CAST: variants seen among roughly 807,000 people sequenced by gnomAD.
The protein encoded by CAST is calpastatin.
A neutral mutation model predicts 119.6 loss-of-function variants in CAST; 76 were observed. The ratio of observed to expected loss-of-function variants is 0.64; its 90% CI spans 0.53 to 0.77. The LOEUF is 0.77. CAST is among the 30% of genes least tolerant of loss of function. CAST has a pLI of 0.00. For synonymous variants in CAST, 319 were observed against 331.6 expected (o/e 0.96, Z 0.41); for missense variants, 953 against 946.5 (o/e 1.01, Z -0.09).
At chr5:96,643,698 C>G (rs922145232) in intron 1 of CAST, among the ~76,000 whole-genome samples, 1 of 152,002 alleles carries the variant, frequency 6.6e-6, no homozygotes, top group Admixed American at 6.6e-5. Flanking sequence ...CATGGTGAAA[C>G]CTTGTCTCTA....
chr5:96,470,905 G>T, the CAST span, among the ~76,000 whole-genome samples: 1 of 152,076 alleles, frequency 6.6e-6, no homozygotes. Context: ...AATATACGCA[G>T]ATGTTGCAAA....
the CAST span, among the ~76,000 whole-genome samples, chr5:96,229,026 T>C: frequency 6.6e-6 from 1 of 152,056 alleles, no homozygotes; most frequent in Non-Finnish European, 1.5e-5. Flanking sequence ...CGATTTTATG[T>C]GACCATAGAA....
At chr5:96,383,043 A>G in the CAST span, among the ~76,000 whole-genome samples, 1 of 152,184 alleles carries the variant, frequency 6.6e-6, no homozygotes, top group African/African-American at 2.4e-5. Context: ...TTAACCTGAG[A>G]GACATTAGAG....
At chr5:96,223,026 T>C in the CAST span, among the ~76,000 whole-genome samples, 1 of 152,128 alleles carries the variant, frequency 6.6e-6, no homozygotes, top group Admixed American at 6.6e-5. Context: ...CAAATTCTGC[T>C]TGTTCTCACT....
At chr5:96,485,215 G>A in the CAST span, among the ~76,000 whole-genome samples, 1 of 152,158 alleles carries the variant, frequency 6.6e-6, no homozygotes, top group African/African-American at 2.4e-5. Flanking sequence ...GGATTAGGGA[G>A]TGCTGTCTTA....
chr5:96,572,872 G>A (rs1746594534), intron 1 of CAST, among the ~76,000 whole-genome samples: 2 of 152,270 alleles, frequency 1.3e-5, no homozygotes, highest in Admixed American at 1.3e-4. Context: ...TGGCAGTCCT[G>A]GGAAGTATGG....
At chr5:96,152,532 G>T in the CAST span, among the ~76,000 whole-genome samples, 2 of 152,170 alleles carry the variant, frequency 1.3e-5, no homozygotes, top group Non-Finnish European at 1.5e-5. Flanking sequence ...ACTCTGTCCG[G>T]CTGGGAGACT....
the CAST span, among the ~76,000 whole-genome samples, chr5:96,310,595 C>T: frequency 4.7e-5 from 7 of 149,624 alleles, no homozygotes; most frequent in Non-Finnish European, 1.0e-4. Context: ...CTATGGATTA[C>T]TGACTTAATC....
chr5:96,412,256 C>T, the CAST span: 1 of 1,295,214 alleles, frequency 7.7e-7, no homozygotes, highest in Non-Finnish European at 1.1e-6. Context: ...AGTGTTCTTT[C>T]CTTCTCCTCA....
chr5:96,500,155 A>T, the CAST span, among the ~76,000 whole-genome samples: 1 of 152,184 alleles, frequency 6.6e-6, no homozygotes, highest in Admixed American at 6.5e-5. Flanking sequence ...TAAAATAATG[A>T]TGAAAACGTT....
At chr5:96,352,587 C>T in the CAST span, among the ~76,000 whole-genome samples, 3 of 152,094 alleles carry the variant, frequency 2.0e-5, no homozygotes, top group Admixed American at 6.6e-5. Context: ...GGGGTAACAC[C>T]ATTCCTTTTA....
At chr5:96,307,919 G>C in the CAST span, among the ~76,000 whole-genome samples, 71 of 152,180 alleles carry the variant, frequency 4.7e-4, no homozygotes, top group African/African-American at 1.6e-3. Flanking sequence ...TGAATCTGAT[G>C]AGTATGTGTC....
At chr5:96,243,212 G>T in the CAST span, among the ~76,000 whole-genome samples, 2 of 148,796 alleles carry the variant, frequency 1.3e-5, no homozygotes. Context: ...GTCAAACATT[G>T]GGATTATTTT....
chr5:96,204,808 A>G, the CAST span, among the ~76,000 whole-genome samples: 1 of 151,534 alleles, frequency 6.6e-6, no homozygotes, highest in African/African-American at 2.4e-5. Flanking sequence ...TATCAGGAAG[A>G]CTCCAGCTGT....
At chr5:96,182,295 C>T in the CAST span, among the ~76,000 whole-genome samples, 3 of 152,192 alleles carry the variant, frequency 2.0e-5, no homozygotes, top group African/African-American at 7.2e-5. Context: ...GTGATTTGAA[C>T]TTGAGATCCT....
At chr5:95,967,613 A>G in the CAST span, among the ~76,000 whole-genome samples, 1 of 152,066 alleles carries the variant, frequency 6.6e-6, no homozygotes, top group South Asian at 2.1e-4. Context: ...GAGTTCTCAC[A>G]AGATCTGATG....
rs758730073 is a variant in CAST, at chr5:96,727,464, T to C, written c.337-25T>C. The C allele has an allele frequency of 2.2e-6, 3 of 1,389,762 alleles. No individual in the cohort carries two copies. The Admixed American group carries it at 6.1e-5, about 28-fold the overall frequency. The allele number at this position is 1,389,762 out of a possible 1,614,324, so 86.1% of individuals were successfully genotyped here. A position where few individuals can be genotyped will look rare whatever the true frequency, so the allele number is the denominator to read the frequency against. On this transcript the variant is annotated intron_variant, in intron 5 of 31. Transcript: ENST00000675179. ...TATCTTTCTTTTCTTCCTTCCTTTT[T>C]TTCTTTCTTTTTTTCTGAACTTAGG... is the stretch of plus-strand genomic sequence containing the variant.
the CAST span, among the ~76,000 whole-genome samples, chr5:96,082,290 T>C: frequency 6.6e-6 from 1 of 152,196 alleles, no homozygotes; most frequent in Admixed American, 6.5e-5. Context: ...TTTAAATGAG[T>C]AAATGGACAT....
upstream of CAST, among the ~76,000 whole-genome samples, chr5:96,521,445 G>A (rs957309918): frequency 6.6e-6 from 1 of 152,020 alleles, no homozygotes; most frequent in African/African-American, 2.4e-5. Context: ...ATAGTTTCTC[G>A]AGGCCTAGTA....
Sources: gnomAD v4.1 joint callset for allele counts (sites outside exome capture counted in the v4.1 genomes callset) on GRCh38, gnomAD v4.1.1 for gene constraint, MANE v1.5 for transcripts, NCBI Gene and HGNC (gene_info 2026-07-23, HGNC 2026-07-21) for gene names.